The following ERC2 variants were observed in gnomAD, a reference collection of about 807,000 sequenced individuals.
ERC2 encodes the protein ERC protein 2.
In ERC2, 42 loss-of-function variants were observed where a neutral mutation model predicts 114.8. The ratio of observed to expected loss-of-function variants is 0.37; its 90% confidence interval spans 0.29 to 0.47. The LOEUF (loss-of-function observed/expected upper bound fraction) is 0.47, where lower values mean the gene tolerates loss of function less well. Ranked by LOEUF, ERC2 falls within the 20% of genes least tolerant of loss-of-function variation. ERC2 has a pLI of 0.99. For missense variants in ERC2, 939 were observed against 1,150.7 expected (o/e 0.82, Z 2.66); for synonymous variants, 454 against 425.5 (o/e 1.07, Z -0.82).
intron 6 of ERC2, among the ~76,000 whole-genome samples, chr3:56,102,812 G>T (rs1022980638): frequency 3.9e-5 from 6 of 152,046 alleles, no homozygotes; most frequent in African/African-American, 1.4e-4. Context: ...GTATATTTTT[G>T]AACTTTAATA....
At chr3:55,525,193 A>T (rs1362389935) in intron 17 of ERC2, among the ~76,000 whole-genome samples, 2 of 152,240 alleles carry the variant, frequency 1.3e-5, no homozygotes, top group Non-Finnish European at 1.5e-5. Flanking sequence ...TTTTCACAAA[A>T]TTAGGAAGGT....
At chr3:56,296,491 A>C (rs76649219) in intron 2 of ERC2, 56 bp from the exon 3 acceptor site, 43,718 of 1,522,570 alleles carry the variant, frequency 0.029, 808 homozygotes, top group Middle Eastern at 0.071. Flanking sequence ...AGTCAATGAA[A>C]ATGTCAAGTG....
intron 13 of ERC2, among the ~76,000 whole-genome samples, chr3:55,904,705 C>T (rs952736106): frequency 3.3e-5 from 5 of 152,116 alleles, no homozygotes; most frequent in African/African-American, 1.2e-4. Flanking sequence ...AGAAAGAAAG[C>T]GTCTGGGGGG....
intron 3 of ERC2, among the ~76,000 whole-genome samples, chr3:56,203,362 C>A (rs2048514604): frequency 1.3e-5 from 2 of 152,104 alleles, no homozygotes; most frequent in South Asian, 2.1e-4. Context: ...TAGTTCGTGA[C>A]CTTTGGCTTA....
At chr3:56,191,481 C>T (rs561017167) in intron 3 of ERC2, among the ~76,000 whole-genome samples, 4 of 152,276 alleles carry the variant, frequency 2.6e-5, no homozygotes, top group Admixed American at 2.0e-4. Context: ...TCTCACACAA[C>T]CTTCACTCAC....
At chr3:55,675,693 G>T (rs1476917827) in intron 17 of ERC2, among the ~76,000 whole-genome samples, 3 of 151,978 alleles carry the variant, frequency 2.0e-5, no homozygotes, top group Non-Finnish European at 2.9e-5. Flanking sequence ...TCTATTCTCA[G>T]GCTACAAGTC....
chr3:55,951,468 CTAAAGA>C (rs2067500797), intron 12 of ERC2, among the ~76,000 whole-genome samples: 1 of 152,076 alleles, frequency 6.6e-6, no homozygotes, highest in African/African-American at 2.4e-5. Context: ...GAGTAAAAGA[CTAAAGA>C]TAAAGAATGG....
intron 14 of ERC2, among the ~76,000 whole-genome samples, chr3:55,774,454 C>T (rs997934643): frequency 4.6e-5 from 7 of 152,360 alleles, no homozygotes; most frequent in African/African-American, 9.6e-5. Context: ...TGTTATGATG[C>T]TGCAATCTTC....
At chr3:56,222,974 G>A (rs1404340313) in intron 3 of ERC2, among the ~76,000 whole-genome samples, 2 of 152,182 alleles carry the variant, frequency 1.3e-5, no homozygotes, top group African/African-American at 4.8e-5. Context: ...CATCATACTT[G>A]TCTCCTCCCT....
chr3:56,010,560 C>T lies in ERC2; in HGVS notation c.1809G>A (p.Gln603=), dbSNP rs757067019. 6.2e-7 allele frequency: 1 copy of T among 1,613,382 alleles called. No homozygotes were observed. Among genetic ancestry groups the T allele is most frequent in the Non-Finnish European group, 8.5e-7 (1 of 1,179,682 alleles). ...KERIIERLKE[Q]RERDDRERLE... Reference sequence around the variant, plus strand: ...GTCTTTCCCGATCATCTCTTTCTCGCTGTTCTTTCAAGCGCTCAATTATTC... The same window carrying T: ...GTCTTTCCCGATCATCTCTTTCTCGTTGTTCTTTCAAGCGCTCAATTATTC... The change falls in exon 9 of 18, where the codon CAG becomes CAA. Residue 603 remains glutamine (Q), a synonymous_variant. Transcript: ENST00000288221.
At chr3:56,119,862 A>C (rs1438081815) in intron 6 of ERC2, among the ~76,000 whole-genome samples, 1 of 152,222 alleles carries the variant, frequency 6.6e-6, no homozygotes, top group African/African-American at 2.4e-5. Context: ...GTTTGTCTTG[A>C]TATCCAAGCC....
intron 14 of ERC2, among the ~76,000 whole-genome samples, chr3:55,797,142 G>C (rs1348154455): frequency 6.6e-6 from 1 of 152,126 alleles, no homozygotes; most frequent in Non-Finnish European, 1.5e-5. Context: ...TTCCAGCATT[G>C]TGTCTGACTA....
At chr3:55,766,889 G>A (rs774331724) in intron 14 of ERC2, 6 of 152,232 alleles carry the variant, frequency 3.9e-5, no homozygotes, top group African/African-American at 1.4e-4. Flanking sequence ...CAGGAATCCT[G>A]AGGGTGATTA....
chr3:55,991,682 T>G lies in ERC2; in HGVS notation c.2255+375A>C, dbSNP rs372710835. On this transcript the variant is annotated intron_variant, in intron 11 of 17. Coordinates refer to ENST00000288221, the MANE Select transcript of ERC2 (RefSeq NM_015576.3). ...TCGGTTTTTGGTGTTGGTGGTGGTGTTGTTGTTGTTTGATCAAGACAAAAC... is the reference window on the plus strand; with the variant it reads ...TCGGTTTTTGGTGTTGGTGGTGGTGGTGTTGTTGTTTGATCAAGACAAAAC... Among the ~76,000 whole-genome samples, 37 of 152,286 alleles carry G rather than the reference T, an allele frequency of 2.4e-4. No homozygotes were observed. In the East Asian group the frequency reaches 3.7e-3, roughly 15 times the overall value.
intron 13 of ERC2, among the ~76,000 whole-genome samples, chr3:55,915,194 T>C (rs2065023400): frequency 6.6e-6 from 1 of 152,180 alleles, no homozygotes; most frequent in Non-Finnish European, 1.5e-5. Flanking sequence ...CTGTTTAACA[T>C]TATTTCAGCA....
intron 2 of ERC2, among the ~76,000 whole-genome samples, chr3:56,381,159 A>C (rs1356135883): frequency 6.6e-6 from 1 of 152,196 alleles, no homozygotes; most frequent in African/African-American, 2.4e-5. Context: ...GGTCATGAGG[A>C]AGTCTACTTT....
At chr3:56,065,725 G>T (rs2076444666) in intron 7 of ERC2, among the ~76,000 whole-genome samples, 1 of 151,918 alleles carries the variant, frequency 6.6e-6, no homozygotes, top group Admixed American at 6.6e-5. Context: ...ACTGGCCCTG[G>T]TGTGTGTTGT....
intron 3 of ERC2, among the ~76,000 whole-genome samples, chr3:56,185,513 G>A (rs1037280821): frequency 1.3e-5 from 2 of 152,262 alleles, no homozygotes; most frequent in Non-Finnish European, 2.9e-5. Context: ...ATACATAAGC[G>A]ATTTAGACAA....
chr3:55,586,519 A>G (rs542941213), intron 17 of ERC2, among the ~76,000 whole-genome samples: 1 of 152,362 alleles, frequency 6.6e-6, no homozygotes, highest in South Asian at 2.1e-4. Flanking sequence ...GCCATTATTA[A>G]TTTCTTTTGA....
Sources: gnomAD v4.1 joint callset for allele counts (sites outside exome capture counted in the v4.1 genomes callset) on GRCh38, gnomAD v4.1.1 for gene constraint, MANE v1.5 for transcripts, NCBI Gene and HGNC (gene_info 2026-07-23, HGNC 2026-07-21) for gene names.